RNF216: variants seen among roughly 807,000 people sequenced by gnomAD.
RNF216 encodes ring finger protein 216.
Under a neutral mutation model 110.8 loss-of-function variants are expected in RNF216, and 72 were observed. That is an observed-to-expected ratio of 0.65 (90% CI 0.54 to 0.79). The LOEUF (loss-of-function observed/expected upper bound fraction) is 0.79, where lower values mean the gene tolerates loss of function less well. RNF216 is among the 30% of genes least tolerant of loss of function. The pLI, the probability that RNF216 is intolerant of heterozygous loss-of-function variation, is 0.00. For synonymous variants in RNF216, 495 were observed against 407.5 expected (o/e 1.21, Z -2.59); for missense variants, 1,342 against 1,141.2 (o/e 1.18, Z -2.54).
At chr7:5,739,893 C>A (rs745990015) in intron 4 of RNF216, among the ~76,000 whole-genome samples, 7 of 151,558 alleles carry the variant, frequency 4.6e-5, no homozygotes, top group Non-Finnish European at 1.0e-4. Flanking sequence ...ATCCCAGCTA[C>A]TCGGGAGGCA....
At chr7:5,684,030 T>C (rs1305318273) in intron 13 of RNF216, among the ~76,000 whole-genome samples, 1 of 151,394 alleles carries the variant, frequency 6.6e-6, no homozygotes, top group Non-Finnish European at 1.5e-5. Context: ...CAAGTTGATT[T>C]GGTCTGGCAG....
rs544170066 is a variant in RNF216, at chr7:5,753,035, CTT to C, written c.68-58_68-57del. ...GAGGTTGGCACTATCACATCCAACT[CTT>C]TAAGTTTTTCCTGACAGGGGTACAG... On this transcript the variant is annotated intron_variant, in intron 2 of 16. Coordinates refer to ENST00000389902, the MANE Select transcript of RNF216 (RefSeq NM_207111.4). The C allele has an allele frequency of 4.9e-4, 757 of 1,554,916 alleles. 6 individuals are homozygous for C. In the African/African-American group the frequency reaches 6.8e-3, roughly 14 times the overall value.
chr7:5,660,437 G>A (rs1049441624), intron 13 of RNF216, among the ~76,000 whole-genome samples: 23 of 151,052 alleles, frequency 1.5e-4, no homozygotes, highest in African/African-American at 5.6e-4. Context: ...GAATACAGGC[G>A]CCCGCGACCA....
chr7:5,658,973 TGA>T (rs1788925210), intron 13 of RNF216, among the ~76,000 whole-genome samples: 1 of 152,036 alleles, frequency 6.6e-6, no homozygotes. Flanking sequence ...TTAGTGAGCT[TGA>T]GACCAAAGAC....
At chr7:5,755,237 TGAAA>T (rs1159589678) in intron 2 of RNF216, among the ~76,000 whole-genome samples, 1 of 37,778 alleles carries the variant, frequency 2.6e-5, no homozygotes, top group African/African-American at 9.8e-5. Flanking sequence ...GAGGGAAGGA[TGAAA>T]GGAAGGAAGG....
At chr7:5,743,241 A>G (rs937006638) in intron 3 of RNF216, among the ~76,000 whole-genome samples, 1 of 152,104 alleles carries the variant, frequency 6.6e-6, no homozygotes, top group Non-Finnish European at 1.5e-5. Flanking sequence ...CAGCCTGGAG[A>G]CAGAGCAAGA....
chr7:5,704,341 A>C (rs924145842), intron 13 of RNF216, among the ~76,000 whole-genome samples: 2 of 152,232 alleles, frequency 1.3e-5, no homozygotes, highest in Non-Finnish European at 2.9e-5. Context: ...AGGTGCCCTT[A>C]GTCTCACACG....
chr7:5,712,927 T>C, intron 11 of RNF216, 64 bp from the exon 12 acceptor site: 6 of 1,459,924 alleles, frequency 4.1e-6, no homozygotes, highest in Non-Finnish European at 5.6e-6. Context: ...ATAAAAAGCG[T>C]CAGTGGTTAA....
chr7:5,658,466 G>A (rs1788885634), intron 13 of RNF216, among the ~76,000 whole-genome samples: 1 of 151,938 alleles, frequency 6.6e-6, no homozygotes, highest in African/African-American at 2.4e-5. Context: ...AGACCAGCCT[G>A]GCAAACATAG....
intron 8 of RNF216, among the ~76,000 whole-genome samples, chr7:5,723,603 C>T (rs919512767): frequency 6.6e-6 from 1 of 151,456 alleles, no homozygotes; most frequent in African/African-American, 2.4e-5. Flanking sequence ...GCCGAGATTG[C>T]GCCACTGCAC....
At chr7:5,691,687 T>C (rs1302783121) in intron 13 of RNF216, among the ~76,000 whole-genome samples, 1 of 152,236 alleles carries the variant, frequency 6.6e-6, no homozygotes, top group African/African-American at 2.4e-5. Flanking sequence ...CTATCTGGCA[T>C]GGACACATGG....
chr7:5,780,593 T>C (rs1308266053), intron 1 of RNF216, among the ~76,000 whole-genome samples: 1 of 151,364 alleles, frequency 6.6e-6, no homozygotes, highest in African/African-American at 2.4e-5. Flanking sequence ...GCTGAGGCAA[T>C]CCCTGTGAGG....
At chr7:5,661,882 T>C (rs1584400719) in intron 13 of RNF216, among the ~76,000 whole-genome samples, 1 of 152,338 alleles carries the variant, frequency 6.6e-6, no homozygotes, top group East Asian at 1.9e-4. Context: ...CACAGAGCTT[T>C]AGACATGAGT....
At chr7:5,705,904 T>G (rs1316894800) in intron 13 of RNF216, among the ~76,000 whole-genome samples, 1 of 141,400 alleles carries the variant, frequency 7.1e-6, no homozygotes, top group Non-Finnish European at 1.5e-5. Context: ...CGAAACTCCA[T>G]CTCAACAAAA....
intron 15 of RNF216, among the ~76,000 whole-genome samples, chr7:5,638,654 G>A (rs1787549066): frequency 6.7e-6 from 1 of 150,108 alleles, no homozygotes; most frequent in African/African-American, 2.5e-5. Context: ...TTTTTTGGGG[G>A]GGAGACAGGG....
At chr7:5,778,173 C>T (rs1011606008) in intron 1 of RNF216, among the ~76,000 whole-genome samples, 8 of 152,226 alleles carry the variant, frequency 5.3e-5, no homozygotes, top group Non-Finnish European at 8.8e-5. Context: ...CCTGACCTTG[C>T]TGACATAGCG....
intron 1 of RNF216, among the ~76,000 whole-genome samples, chr7:5,776,899 C>CAA (rs754872404): frequency 0.011 from 932 of 83,092 alleles, 32 homozygotes; most frequent in African/African-American, 0.028. Flanking sequence ...AGACTCTGTC[C>CAA]AAAAAAAAAA....
chr7:5,696,308 G>A lies in RNF216; in HGVS notation c.2061+15453C>T, dbSNP rs1791623643. ...CAATTCTCTGTATGCACATCACAGA[G>A]AAATTAAGCTGATCTGAGTGAGAGA... On this transcript the variant is annotated intron_variant, in intron 13 of 16. Transcript: ENST00000389902. This position sits in a 1 kb window ranked among gnomAD's most constrained non-coding sequence, Gnocchi z 5.4. 1.3e-5 allele frequency among the ~76,000 whole-genome samples: 2 copies of A among 152,244 alleles called. No homozygotes were observed. Among genetic ancestry groups the A allele is most frequent in the South Asian group, 4.1e-4 (2 of 4,834 alleles).
intron 3 of RNF216, among the ~76,000 whole-genome samples, chr7:5,748,998 A>G (rs1390966745): frequency 6.6e-6 from 1 of 152,172 alleles, no homozygotes; most frequent in Non-Finnish European, 1.5e-5. Flanking sequence ...GAACTCTGAT[A>G]ATCGGTTTAA....
Sources: gnomAD v4.1 joint callset for allele counts (sites outside exome capture counted in the v4.1 genomes callset) on GRCh38, gnomAD v4.1.1 for gene constraint, Gnocchi (gnomAD v3.1) non-coding constraint, MANE v1.5 for transcripts, NCBI Gene and HGNC (gene_info 2026-07-23, HGNC 2026-07-21) for gene names.